UPF2: variants seen among roughly 807,000 people sequenced by gnomAD.
UPF2 encodes the protein UPF2 regulator of nonsense mediated mRNA decay, also known as regulator of nonsense transcripts 2.
Under a neutral mutation model 141.4 loss-of-function variants are expected in UPF2, and 17 were observed. The ratio of observed to expected loss-of-function variants is 0.12; its 90% CI spans 0.08 to 0.18. The LOEUF is 0.18. UPF2 is among the 10% of genes least tolerant of loss of function. The pLI is 1.00. For missense variants in UPF2, 1,152 were observed against 1,515.9 expected (o/e 0.76, Z 3.99); for synonymous variants, 540 against 498.0 (o/e 1.08, Z -1.12).
chr10:11,982,848 G>A (rs1032988643), intron 8 of UPF2, among the ~76,000 whole-genome samples: 4 of 152,000 alleles, frequency 2.6e-5, no homozygotes, highest in African/African-American at 4.8e-5. Flanking sequence ...TTGAACTCCC[G>A]ACCTTAGGCG....
Position 11,953,049 on chromosome 10 carries a change from T to C in UPF2, c.2851-800A>G, listed in dbSNP as rs1833098178. On this transcript the variant is annotated intron_variant, in intron 14 of 21. Transcript: ENST00000357604. This position sits in a 1 kb window ranked among gnomAD's most constrained non-coding sequence, Gnocchi z 5.0. The stretch of plus-strand genomic sequence containing the variant: ...CATCAACAAGCATTTATTGAATATC[T>C]ACTGTGTATATGGCATGGTGTGGAT... Among the ~76,000 whole-genome samples the C allele has an allele frequency of 6.6e-6, 1 of 152,236 alleles. No individual in the cohort carries two copies. The highest frequency in any genetic ancestry group is 2.4e-5 in the African/African-American group (1 of 41,464).
chr10:11,924,766 TATAATCAGTTTCCAA>T (rs1218299469), intron 21 of UPF2, among the ~76,000 whole-genome samples: 1 of 152,164 alleles, frequency 6.6e-6, no homozygotes, highest in Non-Finnish European at 1.5e-5. Context: ...TAAACTACTT[TATAATCAGTTTCCAA>T]ATAAATTTCC....
intron 16 of UPF2, among the ~76,000 whole-genome samples, chr10:11,944,496 A>G (rs1832977346): frequency 6.6e-6 from 1 of 152,092 alleles, no homozygotes; most frequent in South Asian, 2.1e-4. Context: ...TCCATCCCCC[A>G]CCAAAAAGAA....
intron 8 of UPF2, among the ~76,000 whole-genome samples, chr10:11,988,184 T>C (rs1357100063): frequency 1.3e-5 from 2 of 152,252 alleles, no homozygotes. Flanking sequence ...ATTAGGGACG[T>C]TGTCCCTAGG....
chr10:12,011,457 G>A (rs1357349737), intron 4 of UPF2, among the ~76,000 whole-genome samples: 1 of 151,738 alleles, frequency 6.6e-6, no homozygotes, highest in Non-Finnish European at 1.5e-5. Context: ...AATTAGCTGG[G>A]CTTGGTGGCG....
intron 1 of UPF2, chr10:12,035,761 A>G (rs1407190966): frequency 5.3e-6 from 1 of 189,352 alleles, no homozygotes; most frequent in Non-Finnish European, 1.1e-5. Flanking sequence ...ATCAACTCCA[A>G]AACAATATGT....
intron 11 of UPF2, among the ~76,000 whole-genome samples, chr10:11,963,289 C>T (rs1032567520): frequency 6.6e-6 from 1 of 152,222 alleles, no homozygotes; most frequent in African/African-American, 2.4e-5. Context: ...AATTATATTT[C>T]ATTTCTTTTT....
At position 11,992,538 on chromosome 10, in the gene UPF2, A is replaced by C. The variant is rs1412796076; in HGVS notation, c.1844+5134T>G. ...ACAATCATAAAGTAATAAAATAATA[A>C]TGCAAACCTTCCTAAAACCAAGAAA... On this transcript the variant is annotated intron_variant, in intron 8 of 21. Coordinates refer to ENST00000357604, the MANE Select transcript of UPF2 (RefSeq NM_015542.4). The surrounding 1 kb of genome is among the most constrained non-coding windows in gnomAD (Gnocchi z 4.1). 6.6e-6 allele frequency among the ~76,000 whole-genome samples: 1 copy of C among 152,148 alleles called. No homozygotes were observed.
intron 1 of UPF2, among the ~76,000 whole-genome samples, chr10:12,041,934 T>C (rs539363097): frequency 6.6e-6 from 1 of 152,182 alleles, no homozygotes; most frequent in Non-Finnish European, 1.5e-5. Context: ...CACCCCAGCG[T>C]GGACCCAGCT....
intron 10 of UPF2, among the ~76,000 whole-genome samples, chr10:11,966,433 CT>C (rs35948223): frequency 0.32 from 48,297 of 151,496 alleles, 9,789 homozygotes; most frequent in Non-Finnish European, 0.46. Context: ...TTCTTTTTTT[CT>C]TTTTTTTGAG....
In UPF2 at chr10:11,952,106, C is replaced by T. The variant is rs1269393225; in HGVS notation, c.2994G>A (p.Arg998=). ...ATTCTCGTTCCAAGTCTTGTACCTG[C>T]CTGATGGATTCTTCCAGAGAATTAC... The part of the protein sequence containing the change: ...KLCNSLEESI[R]QVQDLEREFL... The change falls in exon 15 of 22, where the codon AGG becomes AGA. Residue 998 remains arginine (R), a synonymous_variant. Transcript: ENST00000357604. The T allele has an allele frequency of 6.2e-7, 1 of 1,614,038 alleles. No individual in the cohort carries two copies. Among genetic ancestry groups the T allele is most frequent in the South Asian group, 1.1e-5 (1 of 91,072 alleles).
At chr10:12,008,629 C>CAAAAAAAAAAAAAAAAAAAAAAAAA (rs60750390) in intron 4 of UPF2, among the ~76,000 whole-genome samples, 1 of 74,974 alleles carries the variant, frequency 1.3e-5, no homozygotes, top group Non-Finnish European at 2.5e-5. Flanking sequence ...GACACCACCT[C>CAAAAAAAAAAAAAAAAAAAAAAAAA]AAAAAAAAAA....
At chr10:11,981,931 G>A (rs551255472) in intron 8 of UPF2, among the ~76,000 whole-genome samples, 27 of 151,976 alleles carry the variant, frequency 1.8e-4, no homozygotes, top group African/African-American at 6.0e-4. Context: ...TGATCCATCC[G>A]CCTTGACCTC....
Position 11,992,833 on chromosome 10 carries a change from A to G in UPF2, c.1844+4839T>C, listed in dbSNP as rs558795176. Among the ~76,000 whole-genome samples the G allele has an allele frequency of 1.3e-5, 2 of 152,324 alleles. No homozygotes were observed. The highest frequency in any genetic ancestry group is 2.1e-4 in the South Asian group (1 of 4,832). On this transcript the variant is annotated intron_variant, in intron 8 of 21. Coordinates refer to ENST00000357604, the MANE Select transcript of UPF2 (RefSeq NM_015542.4). This position sits in a 1 kb window ranked among gnomAD's most constrained non-coding sequence, Gnocchi z 4.1. ...CACAGGTATACCAAATAAAAGGCAC[A>G]TGTATACCAAACGCAAATAAAAAGA...
At position 12,028,748 on chromosome 10, in the gene UPF2, T is replaced by C; in HGVS notation, c.1142A>G (p.Asn381Ser). The C allele has an allele frequency of 6.4e-7, 1 of 1,571,236 alleles. No homozygotes were observed. Among genetic ancestry groups the C allele is most frequent in the Middle Eastern group, 1.7e-4 (1 of 5,854 alleles). The change falls in exon 3 of 22, where the codon AAC (asparagine) becomes AGC (serine). Residue 381 changes from asparagine (N) to serine (S), a missense_variant. This residue lies in a region of UPF2 where 739 missense variants were observed against 1,032.2 expected (regional missense o/e 0.72). Coordinates refer to ENST00000357604, the MANE Select transcript of UPF2 (RefSeq NM_015542.4). ...HRELQNTERQ[N>S]RRILHSKGEL... The stretch of plus-strand genomic sequence containing the variant: ...CTGAGAAACATTTGAAAATCACCTG[T>C]TTTGTCTCTCAGTATTCTGGAGCTC...
chr10:11,933,352 T>C (rs1832804315), intron 19 of UPF2, among the ~76,000 whole-genome samples: 1 of 152,192 alleles, frequency 6.6e-6, no homozygotes, highest in Non-Finnish European at 1.5e-5. Context: ...TCAAATAATG[T>C]TCCAAAAAAC....
chr10:11,922,383 T>C (rs1832656465), intron 21 of UPF2, among the ~76,000 whole-genome samples: 1 of 152,152 alleles, frequency 6.6e-6, no homozygotes, highest in African/African-American at 2.4e-5. Context: ...GAAAAGTATA[T>C]CCTCAGCTGG....
Position 11,936,821 on chromosome 10 carries a change from A to G in UPF2, c.3379-109T>C, listed in dbSNP as rs931506897. ...CTGTATTTCTTAAAACACAACAATC[A>G]TAAGAGCCATAACAGTCAACAATTA... On this transcript the variant is annotated intron_variant, in intron 18 of 21. Transcript: ENST00000357604. The surrounding 1 kb of genome is among the most constrained non-coding windows in gnomAD (Gnocchi z 6.6). The G allele has an allele frequency of 9.5e-6, 10 of 1,051,982 alleles. No individual in the cohort carries two copies. In the East Asian group the frequency reaches 2.0e-4, roughly 21 times the overall value. 65.2% of individuals were successfully genotyped at this position (1,051,982 alleles called of 1,614,324 possible). A position where few individuals can be genotyped will look rare whatever the true frequency, so the allele number is the denominator to read the frequency against.
At chr10:12,032,013 G>C (rs1439818889) in intron 2 of UPF2, among the ~76,000 whole-genome samples, 1 of 152,140 alleles carries the variant, frequency 6.6e-6, no homozygotes, top group African/African-American at 2.4e-5. Context: ...TATGTACAAG[G>C]CTGGGTGCCG....
Sources: allele counts gnomAD v4.1 joint callset (sites outside exome capture counted in the v4.1 genomes callset), GRCh38; gene constraint gnomAD v4.1.1; regional missense constraint gnomAD v4.1.1; non-coding constraint Gnocchi (gnomAD v3.1); transcripts MANE v1.5; gene names NCBI Gene and HGNC (gene_info 2026-07-23, HGNC 2026-07-21).